The following OTC variants were observed in gnomAD, a reference collection of about 807,000 sequenced individuals.
OTC encodes ornithine transcarbamylase, mitochondrial.
In OTC, 3 loss-of-function variants were observed where a neutral mutation model predicts 30.3. That is an observed-to-expected ratio of 0.10 (90% CI 0.05 to 0.26). The LOEUF is 0.26. Ranked by LOEUF, OTC falls within the 10% of genes least tolerant of loss-of-function variation. The pLI is 1.00. For missense variants in OTC, 194 were observed against 260.3 expected (o/e 0.75, Z 1.75); for synonymous variants, 111 against 99.7 (o/e 1.11, Z -0.67).
At chrX:38,392,988 G>A (rs985501631) in intron 4 of OTC, among the ~76,000 whole-genome samples, 2 of 112,004 alleles carry the variant, frequency 1.8e-5, no homozygotes, top group Non-Finnish European at 3.8e-5. Flanking sequence ...CCAAGTCAAC[G>A]GCGTAAATAG....
chrX:38,420,879 A>G (rs943305590), intron 9 of OTC, 144 bp from the exon 10 acceptor site: 6 of 474,279 alleles, frequency 1.3e-5, no homozygotes, highest in African/African-American at 2.4e-5. Context: ...ATATTAGTTC[A>G]GAACTGTTCT....
At chrX:38,404,487 A>G (rs1459797630) in intron 6 of OTC, among the ~76,000 whole-genome samples, 1 of 112,181 alleles carries the variant, frequency 8.9e-6, no homozygotes, top group Non-Finnish European at 1.9e-5. Context: ...GTTCTGAGAA[A>G]TGGGTCCTTC....
At chrX:38,355,143 T>C (rs2068234173) in intron 1 of OTC, among the ~76,000 whole-genome samples, 2 of 111,793 alleles carry the variant, frequency 1.8e-5, no homozygotes, top group Admixed American at 9.5e-5. Flanking sequence ...CATATCGCCA[T>C]GGACATGATA....
chrX:38,357,141 T>G (rs915444591), intron 1 of OTC, among the ~76,000 whole-genome samples: 5 of 111,796 alleles, frequency 4.5e-5, no homozygotes, highest in African/African-American at 1.3e-4. Flanking sequence ...TTTATTAAAT[T>G]TTCAGGTGAA....
At chrX:38,344,114 C>T in the OTC span, among the ~76,000 whole-genome samples, 23 of 110,988 alleles carry the variant, frequency 2.1e-4, no homozygotes, top group Non-Finnish European at 4.1e-4. Flanking sequence ...CCACTGCATT[C>T]CAGCCTGGGT....
At chrX:38,422,104 C>A (rs1602039289), downstream of OTC, among the ~76,000 whole-genome samples, 1 of 111,714 alleles carries the variant, frequency 9.0e-6, no homozygotes, top group East Asian at 2.8e-4. Context: ...AAAAATTATA[C>A]ATTTTACAGA....
the OTC span, among the ~76,000 whole-genome samples, chrX:38,328,164 C>T: frequency 8.9e-6 from 1 of 112,190 alleles, no homozygotes; most frequent in Non-Finnish European, 1.9e-5. Flanking sequence ...CAGGGTTTCC[C>T]ATGCATCAAC....
chrX:38,393,713 A>G (rs190864931), intron 4 of OTC, among the ~76,000 whole-genome samples: 1 of 112,554 alleles, frequency 8.9e-6, no homozygotes, highest in Admixed American at 9.4e-5. Context: ...TTGTCATGGA[A>G]TCTATATTGT....
chrX:38,404,477 G>A (rs1238712258), intron 6 of OTC, among the ~76,000 whole-genome samples: 6 of 112,176 alleles, frequency 5.3e-5, no homozygotes, highest in Non-Finnish European at 9.4e-5. Context: ...ACAGGGATAT[G>A]TTCTGAGAAA....
At chrX:38,420,142 A>C (rs763849270) in intron 9 of OTC, among the ~76,000 whole-genome samples, 10 of 111,400 alleles carry the variant, frequency 9.0e-5, no homozygotes, top group African/African-American at 3.3e-4. Flanking sequence ...ATAATTTATC[A>C]ATCAAAAATA....
chrX:38,364,764 C>T (rs1426343632), intron 1 of OTC, among the ~76,000 whole-genome samples: 1 of 106,287 alleles, frequency 9.4e-6, no homozygotes, highest in Non-Finnish European at 1.9e-5. Flanking sequence ...TGTACTCCAG[C>T]CTGGGCAACA....
At chrX:38,388,380 G>C (rs2068414151) in intron 4 of OTC, among the ~76,000 whole-genome samples, 1 of 111,184 alleles carries the variant, frequency 9.0e-6, no homozygotes, top group African/African-American at 3.3e-5. Flanking sequence ...TCAGATGTGA[G>C]GGTATTTTCA....
intron 4 of OTC, among the ~76,000 whole-genome samples, chrX:38,398,828 T>G (rs2068470338): frequency 8.9e-6 from 1 of 111,993 alleles, no homozygotes; most frequent in South Asian, 3.7e-4. Context: ...TATTTCTGTG[T>G]AATCTATTAG....
intron 2 of OTC, 69 bp downstream of exon 2, chrX:38,367,498 G>A: frequency 2.2e-6 from 2 of 929,119 alleles, no homozygotes; most frequent in Admixed American, 2.4e-5. Flanking sequence ...CCTTCCCAAA[G>A]AAAGAGGGAA....
chrX:38,412,520 T>C (rs923083875), intron 9 of OTC, among the ~76,000 whole-genome samples: 4 of 112,320 alleles, frequency 3.6e-5, no homozygotes, highest in African/African-American at 9.7e-5. Context: ...GCAAAACTTA[T>C]CTTAAAAATT....
At chrX:38,333,170 G>A in the OTC span, among the ~76,000 whole-genome samples, 4 of 99,586 alleles carry the variant, frequency 4.0e-5, no homozygotes, top group Non-Finnish European at 6.0e-5. Flanking sequence ...AGCCGAGATC[G>A]CACCACTGCA....
chrX:38,398,556 G>C (rs1393043763), intron 4 of OTC, among the ~76,000 whole-genome samples: 1 of 111,178 alleles, frequency 9.0e-6, no homozygotes, highest in African/African-American at 3.3e-5. Context: ...CATGTTTAAA[G>C]AAGTCTGAAG....
At chrX:38,405,709 GA>G (rs1244954484) in intron 6 of OTC, among the ~76,000 whole-genome samples, 1 of 111,580 alleles carries the variant, frequency 9.0e-6, no homozygotes, top group Non-Finnish European at 1.9e-5. Context: ...TCAGAGAGAT[GA>G]CCCTTACAAC....
At chrX:38,403,841 C>A in intron 6 of OTC, 101 bp downstream of exon 6, 1 of 900,266 alleles carries the variant, frequency 1.1e-6, no homozygotes, top group South Asian at 2.0e-5. Flanking sequence ...AAGTATAGCA[C>A]AGGTGAGGCC....
Sources: gnomAD v4.1 joint callset for allele counts (sites outside exome capture counted in the v4.1 genomes callset) on GRCh38, gnomAD v4.1.1 for gene constraint, MANE v1.5 for transcripts, NCBI Gene and HGNC (gene_info 2026-07-23, HGNC 2026-07-21) for gene names.